Variants in TGFBR3 observed in about 807,000 individuals in gnomAD.
TGFBR3 encodes the protein transforming growth factor beta receptor type 3.
In TGFBR3, 46 loss-of-function variants were observed where a neutral mutation model predicts 87.9. That is an observed-to-expected ratio of 0.52 (90% CI 0.41 to 0.67). TGFBR3 has a LOEUF of 0.67. Among genes scored for constraint, TGFBR3 ranks in the 30% least tolerant of loss-of-function variants. The pLI is 0.00. For synonymous variants in TGFBR3, 381 were observed against 391.6 expected (o/e 0.97, Z 0.32); for missense variants, 866 against 1,041.9 (o/e 0.83, Z 2.32).
At chr1:91,896,153 G>T (rs1459244514) in intron 2 of TGFBR3, among the ~76,000 whole-genome samples, 2 of 152,086 alleles carry the variant, frequency 1.3e-5, no homozygotes, top group African/African-American at 2.4e-5. Flanking sequence ...CTTAAAGCAG[G>T]CTCCCTGTGT....
chr1:91,741,343 G>A (rs898126714), intron 4 of TGFBR3, among the ~76,000 whole-genome samples: 6 of 152,188 alleles, frequency 3.9e-5, no homozygotes, highest in Non-Finnish European at 5.9e-5. Context: ...GGCAAGGTAC[G>A]GGGAAGGGGT....
rs896287535 is a variant in TGFBR3, at chr1:91,758,615, A to G, written c.382T>C (p.Leu128=). The stretch of plus-strand genomic sequence containing the variant: ...TTGGGGGAGGTTTAAGCACTTACCA[A>G]AAACAGTCTGGAGACCCCAGTGGCA... ...RLATGVSRLF[L]VSEGSVVQFS... Residue 128 remains leucine, a splice_region_variant and synonymous_variant, in exon 4 of 17, where the codon TTG becomes CTG. Transcript: ENST00000212355. The G allele has an allele frequency of 3.7e-6, 6 of 1,613,968 alleles. No homozygotes were observed. The Middle Eastern group carries it at 4.9e-4, about 133-fold the overall frequency.
chr1:91,894,716 A>G (rs1316874231), intron 2 of TGFBR3, among the ~76,000 whole-genome samples: 1 of 152,182 alleles, frequency 6.6e-6, no homozygotes, highest in Non-Finnish European at 1.5e-5. Context: ...TTCTGCTCCC[A>G]GGATCTAAAT....
chr1:91,873,286 T>C (rs1006514279), intron 1 of TGFBR3, among the ~76,000 whole-genome samples: 1 of 143,472 alleles, frequency 7.0e-6, no homozygotes, highest in Non-Finnish European at 1.5e-5. Flanking sequence ...TCCCTTCTTT[T>C]TTTTTTTTTT....
chr1:91,719,873 C>T lies in TGFBR3; in HGVS notation c.1413+20G>A. The T allele has an allele frequency of 6.2e-7, 1 of 1,613,630 alleles. No individual in the cohort carries two copies. The highest frequency in any genetic ancestry group is 8.5e-7 in the Non-Finnish European group (1 of 1,179,522). ...GAAAGGAGGTAGCCTCTCTTCCCTC[C>T]TGTAATCAGCTGCACCGACCTGAAA... On this transcript the variant is annotated intron_variant, in intron 9 of 16. Coordinates refer to ENST00000212355, the MANE Select transcript of TGFBR3 (RefSeq NM_003243.5).
At position 91,719,344 on chromosome 1, in the gene TGFBR3, A is replaced by C; in HGVS notation, c.1534T>G (p.Ser512Ala). Residue 512 changes from serine (S) to alanine (A), a missense_variant, in exon 10 of 17, where the codon TCA (serine) becomes GCA (alanine). By Grantham distance (99) the Ser-to-Ala change is moderately conservative. Transcript: ENST00000212355. ...LNGCGTRPRW[S>A]ALDGVVYYNS... ...TAGTAGACCACACCATCAAGGGCTG[A>C]CCACCGGGGCCGAGTACCGCAGCCA... 6.2e-7 allele frequency: 1 copy of C among 1,614,174 alleles called. No homozygotes were observed. The highest frequency in any genetic ancestry group is 8.5e-7 in the Non-Finnish European group (1 of 1,180,026).
At chr1:91,779,992 A>G (rs1297846342) in intron 3 of TGFBR3, among the ~76,000 whole-genome samples, 1 of 152,094 alleles carries the variant, frequency 6.6e-6, no homozygotes, top group East Asian at 1.9e-4. Flanking sequence ...CAGACCACCA[A>G]TCTCTGCCTG....
chr1:91,722,875 T>C (rs1417559002), intron 7 of TGFBR3, among the ~76,000 whole-genome samples: 1 of 152,188 alleles, frequency 6.6e-6, no homozygotes. Flanking sequence ...AAAAATATGG[T>C]ATTACAATCT....
In TGFBR3 at chr1:91,755,618, G is replaced by A. The variant is rs1442026745; in HGVS notation, c.384+2995C>T. Among the ~76,000 whole-genome samples, 10 of 152,260 alleles carry A rather than the reference G, an allele frequency of 6.6e-5. No individual in the cohort carries two copies. The South Asian group carries it at 1.7e-3, about 25-fold the overall frequency. Reference sequence around the variant, plus strand: ...TGGGATTGATCCAAATGGGGCTGACGTTCAATTGTTTACTAAAGCGGCCAC... The same window carrying A: ...TGGGATTGATCCAAATGGGGCTGACATTCAATTGTTTACTAAAGCGGCCAC... On this transcript the variant is annotated intron_variant, in intron 4 of 16. Transcript: ENST00000212355.
chr1:91,789,409 C>T (rs1273330919), intron 3 of TGFBR3, among the ~76,000 whole-genome samples: 1 of 152,192 alleles, frequency 6.6e-6, no homozygotes, highest in East Asian at 1.9e-4. Flanking sequence ...ATCGGCATTA[C>T]CTCATTCTAA....
At chr1:91,727,616 T>C in intron 7 of TGFBR3, 43 bp downstream of exon 7, 1 of 1,611,990 alleles carries the variant, frequency 6.2e-7, no homozygotes, top group Admixed American at 1.7e-5. Context: ...TAAATTGTTG[T>C]CATTTATCTA....
At chr1:91,793,452 T>C (rs1675264631) in intron 3 of TGFBR3, among the ~76,000 whole-genome samples, 1 of 152,120 alleles carries the variant, frequency 6.6e-6, no homozygotes, top group Admixed American at 6.5e-5. Flanking sequence ...AGCACGGTAA[T>C]TGTTTTGCTA....
At position 91,716,670 on chromosome 1, in the gene TGFBR3, A is replaced by G. The variant is rs1672186482; in HGVS notation, c.1605T>C (p.Gly535=). 1 of 1,613,996 alleles carries G rather than the reference A, an allele frequency of 6.2e-7. No homozygotes were observed. The highest frequency in any genetic ancestry group is 8.5e-7 in the Non-Finnish European group (1 of 1,180,026). ...IQVPALGDSS[G]WPDGYEDLES... ...CCAGATCTTCATAACCATCTGGCCA[A>G]CCACTACTGTCCCCAAGGGCTGGAA... is the stretch of plus-strand genomic sequence containing the variant. Residue 535 remains glycine (G), a synonymous_variant, in exon 11 of 17, where the codon GGT becomes GGC. Coordinates refer to ENST00000212355, the MANE Select transcript of TGFBR3 (RefSeq NM_003243.5).
At chr1:91,847,793 GAAGA>G (rs1677563067) in intron 2 of TGFBR3, among the ~76,000 whole-genome samples, 1 of 151,822 alleles carries the variant, frequency 6.6e-6, no homozygotes, top group Non-Finnish European at 1.5e-5. Flanking sequence ...TCTCATTACC[GAAGA>G]GTCCCTTGGC....
intron 2 of TGFBR3, among the ~76,000 whole-genome samples, chr1:91,850,338 G>T (rs1677678021): frequency 6.6e-6 from 1 of 152,180 alleles, no homozygotes; most frequent in Admixed American, 6.5e-5. Flanking sequence ...GCGGGCAGGA[G>T]CTATAGAGCA....
chr1:91,708,771 C>T lies in TGFBR3; in HGVS notation c.2179G>A (p.Asp727Asn). 6.2e-7 allele frequency: 1 copy of T among 1,613,938 alleles called. No homozygotes were observed. The highest frequency in any genetic ancestry group is 1.1e-5 in the South Asian group (1 of 91,074). ...GCGTCCAGCGAGGTGCAGGCTTCGT[C>T]AGGAGGCACACACTGCAGACAGGCA... Reference protein sequence around the residue: ...PQKLPKCVPPDEACTSLDASI... With the variant: ...PQKLPKCVPPNEACTSLDASI... Residue 727 changes from aspartate to asparagine, a missense_variant, in exon 14 of 17, where the codon GAC (aspartate) becomes AAC (asparagine). Asp to Asn is a conservative substitution (Grantham distance 23). Transcript: ENST00000212355.
rs147636033 is a variant in TGFBR3, at chr1:91,809,897, C to T, written c.62-12426G>A. Among the ~76,000 whole-genome samples the T allele has an allele frequency of 5.3e-4, 81 of 152,236 alleles. No individual in the cohort carries two copies. The East Asian group carries it at 0.014, about 27-fold the overall frequency. ...TGCTCTTGCTCCTTTCACAGTGAAG[C>T]TAAAAGGCTCTGAGAAGCTGTGGAC... On this transcript the variant is annotated intron_variant, in intron 2 of 16. Coordinates refer to ENST00000212355, the MANE Select transcript of TGFBR3 (RefSeq NM_003243.5).
At chr1:91,761,670 T>C (rs553744833) in intron 3 of TGFBR3, among the ~76,000 whole-genome samples, 11 of 151,552 alleles carry the variant, frequency 7.3e-5, no homozygotes, top group Admixed American at 6.6e-4. Flanking sequence ...AAAAGAACCA[T>C]GGTATAAAAG....
chr1:91,797,590 C>T (rs948165866), intron 2 of TGFBR3, 119 bp from the exon 3 acceptor site: 2 of 1,120,290 alleles, frequency 1.8e-6, no homozygotes, highest in Non-Finnish European at 2.7e-6. Context: ...GTAAACTGTT[C>T]CAAGACTAAG....
Sources: gnomAD v4.1 joint callset for allele counts (sites outside exome capture counted in the v4.1 genomes callset) on GRCh38, gnomAD v4.1.1 for gene constraint, MANE v1.5 for transcripts, NCBI Gene and HGNC (gene_info 2026-07-23, HGNC 2026-07-21) for gene names.